The following UPB1 variants were observed in gnomAD, a reference collection of about 807,000 sequenced individuals.
UPB1 encodes beta-ureidopropionase 1.
A neutral mutation model predicts 49.1 loss-of-function variants in UPB1; 40 were observed. The ratio of observed to expected loss-of-function variants is 0.81; its 90% CI spans 0.63 to 1.06. The LOEUF (loss-of-function observed/expected upper bound fraction) is 1.06. Among genes scored for constraint, UPB1 ranks in the 50% least tolerant of loss-of-function variants. The probability of loss-of-function intolerance (pLI) is 0.00; values close to 1 mark genes in which losing one functional copy is unlikely to be tolerated. For synonymous variants in UPB1, 207 were observed against 198.2 expected, an observed-to-expected ratio of 1.04 and a Z score of -0.38; for missense variants, 499 against 505.9, an observed-to-expected ratio of 0.99 and a Z score of 0.13.
At chr22:24,510,717 G>C in intron 3 of UPB1, 32 bp from the exon 4 acceptor site, 1 of 1,607,648 alleles carries the variant, frequency 6.2e-7, no homozygotes, top group East Asian at 2.2e-5. Context: ...TGTGCATGTT[G>C]GATATAATTC....
rs762325580 is a variant in UPB1, at chr22:24,502,223, T to C, written c.364+10T>C. ...TTCCAGGAAGCATGGAGTGAGTCTTTTTTATGGTGCTTTCTCTGCTGCCTT... is the reference window on the plus strand; with the variant it reads ...TTCCAGGAAGCATGGAGTGAGTCTTCTTTATGGTGCTTTCTCTGCTGCCTT... On this transcript the variant is annotated intron_variant, in intron 3 of 9. Transcript: ENST00000326010. The C allele has an allele frequency of 3.1e-6, 5 of 1,613,504 alleles. No homozygotes were observed. In the East Asian group the frequency reaches 6.7e-5, roughly 22 times the overall value.
intron 6 of UPB1, 177 bp from the exon 7 acceptor site, chr22:24,520,210 G>A: frequency 1.4e-6 from 1 of 703,764 alleles, no homozygotes; most frequent in East Asian, 2.7e-5. Context: ...TTTGGGGTGT[G>A]ACCGGTGAGT....
chr22:24,521,850 T>G, intron 7 of UPB1, 136 bp from the exon 8 acceptor site: 1 of 890,750 alleles, frequency 1.1e-6, no homozygotes, highest in African/African-American at 1.6e-5. Context: ...GTACAGACCA[T>G]TCCAGCTCAC....
chr22:24,525,438 G>T (rs1353996261), intron 9 of UPB1, among the ~76,000 whole-genome samples: 1 of 152,142 alleles, frequency 6.6e-6, no homozygotes, highest in Non-Finnish European at 1.5e-5. Context: ...AGGACCACGG[G>T]ACTCCCCTTC....
chr22:24,515,392 G>T (rs780319133), intron 6 of UPB1, 22 bp downstream of exon 6: 1 of 1,613,802 alleles, frequency 6.2e-7, no homozygotes, highest in Admixed American at 1.7e-5. Context: ...GGTGGGGTCT[G>T]GGGGGCTTCC....
chr22:24,501,462 G>C (rs765108158), intron 2 of UPB1, among the ~76,000 whole-genome samples: 1 of 152,202 alleles, frequency 6.6e-6, no homozygotes, highest in African/African-American at 2.4e-5. Flanking sequence ...AGGAAGAGTG[G>C]CACACAAAGC....
At chr22:24,515,977 AAAAT>A (rs1205127587) in intron 6 of UPB1, among the ~76,000 whole-genome samples, 8 of 151,086 alleles carry the variant, frequency 5.3e-5, no homozygotes, top group African/African-American at 2.0e-4. Context: ...TCCATCTCAA[AAAAT>A]AAAACAAAAC....
At chr22:24,498,806 ACTCTGAAAGAGCTGT>A (rs1359533958) in intron 1 of UPB1, among the ~76,000 whole-genome samples, 1 of 152,072 alleles carries the variant, frequency 6.6e-6, no homozygotes, top group South Asian at 2.1e-4. Flanking sequence ...TCACCAGGAC[ACTCTGAAAGAGCTGT>A]CTGGCTCCCA....
intron 1 of UPB1, among the ~76,000 whole-genome samples, chr22:24,499,868 C>G (rs996120551): frequency 6.6e-6 from 1 of 152,178 alleles, no homozygotes; most frequent in South Asian, 2.1e-4. Context: ...CAGGCCTAAC[C>G]GTGCTGACTC....
At chr22:24,524,180 A>C (rs1348328078) in intron 9 of UPB1, among the ~76,000 whole-genome samples, 1 of 152,188 alleles carries the variant, frequency 6.6e-6, no homozygotes, top group East Asian at 1.9e-4. Context: ...TGACGATAGC[A>C]GGAAATGGGT....
chr22:24,497,934 G>A (rs1478294360), intron 1 of UPB1, among the ~76,000 whole-genome samples: 2 of 152,146 alleles, frequency 1.3e-5, no homozygotes, highest in Non-Finnish European at 2.9e-5. Flanking sequence ...CTCACACCAG[G>A]AAGAAGTCAG....
chr22:24,516,750 A>C (rs561620950), intron 6 of UPB1: 1 of 150,128 alleles, frequency 6.7e-6, no homozygotes, highest in Non-Finnish European at 1.5e-5. Flanking sequence ...TTTGAGACGG[A>C]GTCTTGCTCT....
intron 8 of UPB1, among the ~76,000 whole-genome samples, chr22:24,522,497 C>A (rs965428243): frequency 1.3e-5 from 2 of 152,158 alleles, no homozygotes; most frequent in African/African-American, 4.8e-5. Context: ...CACCTCACCT[C>A]TGCTAAGAAC....
intron 3 of UPB1, 65 bp from the exon 4 acceptor site, chr22:24,510,684 G>A: frequency 6.6e-7 from 1 of 1,524,222 alleles, no homozygotes; most frequent in Non-Finnish European, 9.1e-7. Context: ...CCGCTGCTGG[G>A]CTGAGGAGCC....
chr22:24,508,534 G>C (rs1185600124), intron 3 of UPB1, among the ~76,000 whole-genome samples: 1 of 151,492 alleles, frequency 6.6e-6, no homozygotes, highest in Non-Finnish European at 1.5e-5. Flanking sequence ...ACTCCAGCCT[G>C]GGCAACGAGA....
intron 9 of UPB1, among the ~76,000 whole-genome samples, chr22:24,524,886 A>G (rs1464876369): frequency 6.6e-6 from 1 of 152,114 alleles, no homozygotes; most frequent in Non-Finnish European, 1.5e-5. Flanking sequence ...CCTCTAATCC[A>G]CCCAGACATG....
At chr22:24,513,070 T>C (rs774575898) in intron 4 of UPB1, among the ~76,000 whole-genome samples, 2 of 152,210 alleles carry the variant, frequency 1.3e-5, no homozygotes, top group African/African-American at 4.8e-5. Context: ...GTAATTCTTG[T>C]TTAATTTTTT....
chr22:24,525,819 T>C lies in UPB1; in HGVS notation c.*25T>C. The stretch of plus-strand genomic sequence containing the variant: ...GCCGGCTTCAGTGCCTGCCTTGGGG[T>C]GAGGAAGACACCTCTGCCCCAGTGG... On this transcript the variant is annotated 3_prime_UTR_variant, in exon 10 of 10. Coordinates refer to ENST00000326010, the MANE Select transcript of UPB1 (RefSeq NM_016327.3). 6.2e-7 allele frequency: 1 copy of C among 1,613,554 alleles called. No individual in the cohort carries two copies.
chr22:24,518,952 A>C (rs891977155), intron 6 of UPB1, among the ~76,000 whole-genome samples: 2 of 151,754 alleles, frequency 1.3e-5, no homozygotes, highest in African/African-American at 4.9e-5. Flanking sequence ...GCTCTCACTA[A>C]CCCCAGCTTC....
Sources: allele counts gnomAD v4.1 joint callset (sites outside exome capture counted in the v4.1 genomes callset), GRCh38; gene constraint gnomAD v4.1.1; transcripts MANE v1.5; gene names NCBI Gene and HGNC (gene_info 2026-07-23, HGNC 2026-07-21).